GNL3L: variants seen among roughly 807,000 people sequenced by gnomAD.
GNL3L encodes the protein guanine nucleotide-binding protein-like 3-like protein.
A neutral mutation model predicts 42.9 loss-of-function variants in GNL3L; 4 were observed. That is an observed-to-expected ratio of 0.09 (90% CI 0.05 to 0.21). The LOEUF (loss-of-function observed/expected upper bound fraction) is 0.21, where lower values mean the gene tolerates loss of function less well. GNL3L is among the 10% of genes least tolerant of loss of function. The probability of loss-of-function intolerance (pLI) is 1.00; values close to 1 mark genes in which losing one functional copy is unlikely to be tolerated. For synonymous variants in GNL3L, 159 were observed against 176.3 expected (o/e 0.90, Z 0.78); for missense variants, 412 against 481.7 (o/e 0.86, Z 1.36).
rs183182154 is a variant in GNL3L, at chrX:54,618,564, A to G, written c.*46-2281A>G. ...ATAAGCACTAGATCACAATAGAAAAATGGATAAAGAACACAAATAGACAAT... is the reference window on the plus strand; with the variant it reads ...ATAAGCACTAGATCACAATAGAAAAGTGGATAAAGAACACAAATAGACAAT... On this transcript the variant is annotated intron_variant, in intron 16 of 16. Transcript: ENST00000674498. Among the ~76,000 whole-genome samples the G allele has an allele frequency of 1.8e-3, 200 of 111,399 alleles. 1 individual carries two copies. The highest frequency in any genetic ancestry group is 2.5e-3 in the Admixed American group (26 of 10,401).
In GNL3L at chrX:54,562,442, G is replaced by A. The variant is rs1018855631; in HGVS notation, c.*1840G>A. 1.8e-5 allele frequency among the ~76,000 whole-genome samples: 2 copies of A among 111,378 alleles called. No individual in the cohort carries two copies. Among genetic ancestry groups the A allele is most frequent in the Non-Finnish European group, 3.8e-5 (2 of 53,125 alleles). ...GTGGAACCATGTGACAAGGACTGGA[G>A]TGCCATTGGCTGTGGACTGTTCAGG... On this transcript the variant is annotated 3_prime_UTR_variant, in exon 16 of 16. Coordinates refer to ENST00000360845, the MANE Select transcript of GNL3L (RefSeq NM_001184819.2).
chrX:54,580,155 C>G (rs1347882703), intron 16 of GNL3L, among the ~76,000 whole-genome samples: 1 of 66,452 alleles, frequency 1.5e-5, no homozygotes, highest in Non-Finnish European at 2.6e-5. Flanking sequence ...CCCCTCCCCC[C>G]ACCCTACAAC....
chrX:54,611,531 G>A (rs781298840), intron 16 of GNL3L, among the ~76,000 whole-genome samples: 23 of 111,341 alleles, frequency 2.1e-4, no homozygotes, highest in Admixed American at 2.0e-3. Context: ...GTATCCCCAA[G>A]GTTTTGATAG....
At chrX:54,591,062 C>T (rs1925865218) in intron 16 of GNL3L, among the ~76,000 whole-genome samples, 1 of 110,650 alleles carries the variant, frequency 9.0e-6, no homozygotes, top group African/African-American at 3.3e-5. Flanking sequence ...AACTCCTGAC[C>T]TCAGGTAATC....
At chrX:54,542,191 C>T (rs890356624) in intron 5 of GNL3L, among the ~76,000 whole-genome samples, 1 of 111,227 alleles carries the variant, frequency 9.0e-6, no homozygotes, top group African/African-American at 3.3e-5. Flanking sequence ...TGGTGTGCTG[C>T]ACCCATTAAC....
chrX:54,558,879 A>G (rs1381955170), intron 15 of GNL3L, among the ~76,000 whole-genome samples: 1 of 111,179 alleles, frequency 9.0e-6, no homozygotes, highest in Non-Finnish European at 1.9e-5. Flanking sequence ...CTGGTCTCAA[A>G]CTCCTGACCT....
chrX:54,599,761 C>T (rs1395607405), intron 16 of GNL3L, among the ~76,000 whole-genome samples: 1 of 110,556 alleles, frequency 9.0e-6, no homozygotes, highest in African/African-American at 3.3e-5. Context: ...TCTATTTTCT[C>T]TCTGTTTCTC....
At chrX:54,644,236 T>A in the GNL3L span, among the ~76,000 whole-genome samples, 4 of 112,114 alleles carry the variant, frequency 3.6e-5, no homozygotes, top group Admixed American at 9.5e-5. Context: ...CCACTAACAG[T>A]GTACAAACAT....
the GNL3L span, among the ~76,000 whole-genome samples, chrX:54,643,641 T>C: frequency 3.6e-5 from 4 of 111,441 alleles, no homozygotes; most frequent in Non-Finnish European, 5.6e-5. Flanking sequence ...ATCTACTCTT[T>C]TAGTTATTTT....
intron 16 of GNL3L, among the ~76,000 whole-genome samples, chrX:54,594,955 C>G (rs1925915333): frequency 8.9e-6 from 1 of 111,768 alleles, no homozygotes; most frequent in Non-Finnish European, 1.9e-5. Flanking sequence ...CCTTTTGTTT[C>G]TATTTATAGC....
At chrX:54,535,201 C>G (rs1235298160) in intron 2 of GNL3L, among the ~76,000 whole-genome samples, 2 of 111,810 alleles carry the variant, frequency 1.8e-5, no homozygotes, top group African/African-American at 3.3e-5. Context: ...TCACTGCAAC[C>G]TCCGCCTCCT....
Position 54,564,493 on chromosome X carries a change from C to T in GNL3L, c.*3891C>T, listed in dbSNP as rs1231365894. Among the ~76,000 whole-genome samples, 8 of 104,039 alleles carry T rather than the reference C, an allele frequency of 7.7e-5. No individual in the cohort carries two copies. The highest frequency in any genetic ancestry group is 1.4e-4 in the Non-Finnish European group (7 of 50,956). 90.3% of individuals were successfully genotyped at this position (104,039 alleles called of 115,157 possible). ...CGTGATCTCGGTTCACTGCAACCTC[C>T]GCCTCCAGGGTTCAAGCGGTTCTCC... is the stretch of plus-strand genomic sequence containing the variant. On this transcript the variant is annotated 3_prime_UTR_variant, in exon 16 of 16. Transcript: ENST00000360845.
chrX:54,560,740 C>G lies in GNL3L; in HGVS notation c.*138C>G. 1.9e-5 allele frequency: 9 copies of G among 485,661 alleles called. No individual in the cohort carries two copies. The highest frequency in any genetic ancestry group is 3.3e-5 in the Non-Finnish European group (9 of 275,837). 40.0% of individuals were successfully genotyped at this position (485,661 alleles called of 1,213,427 possible). On this transcript the variant is annotated 3_prime_UTR_variant, in exon 16 of 16. Coordinates refer to ENST00000360845, the MANE Select transcript of GNL3L (RefSeq NM_001184819.2). ...CCCCACTGTGTGTCTTCTCCCCCTC[C>G]TCCAGTAAAAACAGTCCCGGCTAGG...
chrX:54,636,386 T>A, the GNL3L span, among the ~76,000 whole-genome samples: 1 of 111,816 alleles, frequency 8.9e-6, no homozygotes, highest in African/African-American at 3.2e-5. Context: ...TTTCAACTTT[T>A]ATTTTAGGTT....
intron 16 of GNL3L, among the ~76,000 whole-genome samples, chrX:54,612,708 A>G (rs775602222): frequency 1.8e-5 from 2 of 111,350 alleles, no homozygotes; most frequent in Non-Finnish European, 3.8e-5. Context: ...GCTGGATACA[A>G]AATTCTTGGC....
At chrX:54,549,152 A>T (rs1368858080) in intron 9 of GNL3L, among the ~76,000 whole-genome samples, 2 of 111,841 alleles carry the variant, frequency 1.8e-5, no homozygotes, top group Admixed American at 1.9e-4. Flanking sequence ...AACATACTAC[A>T]GGGATAGAGA....
chrX:54,639,732 G>C, the GNL3L span, among the ~76,000 whole-genome samples: 7 of 112,171 alleles, frequency 6.2e-5, no homozygotes, highest in African/African-American at 2.3e-4. Flanking sequence ...GCCCGCCTGC[G>C]GCAGGGGTGC....
chrX:54,596,725 C>T (rs1007557848), intron 16 of GNL3L, among the ~76,000 whole-genome samples: 5 of 111,697 alleles, frequency 4.5e-5, no homozygotes, highest in African/African-American at 1.6e-4. Flanking sequence ...AGAAGTCTAC[C>T]TGGTTGACTT....
intron 16 of GNL3L, among the ~76,000 whole-genome samples, chrX:54,596,882 A>C (rs1925937089): frequency 9.0e-6 from 1 of 110,734 alleles, no homozygotes; most frequent in Non-Finnish European, 1.9e-5. Flanking sequence ...ATGTTCCCTT[A>C]TGGCCCAAGG....
Sources: allele counts gnomAD v4.1 joint callset (sites outside exome capture counted in the v4.1 genomes callset), GRCh38; gene constraint gnomAD v4.1.1; transcripts MANE v1.5; gene names NCBI Gene and HGNC (gene_info 2026-07-23, HGNC 2026-07-21).